Variants in CIMIP3 observed in about 807,000 individuals in gnomAD.
CIMIP3 encodes the protein ciliary microtubule inner protein 3, also known as GUCA1A neighbor.
the CIMIP3 span, among the ~76,000 whole-genome samples, chr6:42,156,636 G>A: frequency 0.02 from 3,032 of 152,312 alleles, 107 homozygotes; most frequent in African/African-American, 0.068. Context: ...GTAACTGCCC[G>A]AGAGGCTGAG....
chr6:42,158,574 A>T, the CIMIP3 span, among the ~76,000 whole-genome samples: 3 of 152,220 alleles, frequency 2.0e-5, no homozygotes, highest in Non-Finnish European at 4.4e-5. Flanking sequence ...AGAGAGTTTG[A>T]ATCCTGGTTC....
At chr6:42,163,000 G>GC in the CIMIP3 span, 7 of 716,196 alleles carry the variant, frequency 9.8e-6, no homozygotes, top group Non-Finnish European at 1.6e-5. Context: ...ACTCGTCCCG[G>GC]CCCCGGGCGT....
chr6:42,162,488 G>T, the CIMIP3 span, among the ~76,000 whole-genome samples: 1 of 151,258 alleles, frequency 6.6e-6, no homozygotes, highest in East Asian at 2.0e-4. Context: ...TGGGAGACAG[G>T]AAGCCCTGGT....
chr6:42,156,746 A>G, the CIMIP3 span, among the ~76,000 whole-genome samples: 2 of 152,184 alleles, frequency 1.3e-5, no homozygotes, highest in Non-Finnish European at 2.9e-5. Context: ...CATTTTGCAG[A>G]TGAGGCCCCT....
chr6:42,155,539 G>C, the CIMIP3 span: 1 of 717,436 alleles, frequency 1.4e-6, no homozygotes, highest in South Asian at 1.5e-5. Flanking sequence ...CAAGAAGCCT[G>C]ATGGGCAGGA....
chr6:42,157,629 A>T, the CIMIP3 span, among the ~76,000 whole-genome samples: 119 of 151,586 alleles, frequency 7.9e-4, 1 homozygote, highest in African/African-American at 2.8e-3. Flanking sequence ...GCCTCAAGCA[A>T]TCCTCCTGCC....
the CIMIP3 span, chr6:42,155,556 A>C: frequency 1.4e-6 from 1 of 717,448 alleles, no homozygotes; most frequent in Non-Finnish European, 2.6e-6. Flanking sequence ...AGGAAAGAGC[A>C]TGAAAGCCCC....
the CIMIP3 span, among the ~76,000 whole-genome samples, chr6:42,160,345 C>T: frequency 6.6e-6 from 1 of 152,152 alleles, no homozygotes; most frequent in African/African-American, 2.4e-5. Flanking sequence ...TGCCCCTCTG[C>T]CTATAAGCCC....
At chr6:42,159,770 G>A in the CIMIP3 span, among the ~76,000 whole-genome samples, 4 of 152,204 alleles carry the variant, frequency 2.6e-5, no homozygotes, top group African/African-American at 4.8e-5. Context: ...CACAAGACAC[G>A]TCATGGAGCA....
chr6:42,159,075 G>A, the CIMIP3 span, among the ~76,000 whole-genome samples: 44 of 152,204 alleles, frequency 2.9e-4, no homozygotes, highest in Non-Finnish European at 5.1e-4. Flanking sequence ...AGGAAAGGAC[G>A]CATTCTCCAG....
chr6:42,159,570 G>T, the CIMIP3 span, among the ~76,000 whole-genome samples: 4 of 152,248 alleles, frequency 2.6e-5, no homozygotes. Flanking sequence ...AAATCCCACA[G>T]TGTTCTTGCC....
chr6:42,160,959 C>T, the CIMIP3 span, among the ~76,000 whole-genome samples: 97,325 of 151,498 alleles, frequency 0.64, 31,304 homozygotes, highest in South Asian at 0.67. Context: ...GAGGCTGAGG[C>T]GGGCGGATCA....
chr6:42,162,301 CT>C, the CIMIP3 span, among the ~76,000 whole-genome samples: 12,136 of 151,188 alleles, frequency 0.08, 610 homozygotes, highest in South Asian at 0.16. Context: ...GTAATCCCAG[CT>C]TACTCAGGAG....
At chr6:42,162,048 G>C in the CIMIP3 span, among the ~76,000 whole-genome samples, 1 of 150,164 alleles carries the variant, frequency 6.7e-6, no homozygotes, top group African/African-American at 2.4e-5. Context: ...GAAATGCTGG[G>C]TAGGTGGAGG....
At chr6:42,163,046 T>C in the CIMIP3 span, 2 of 717,432 alleles carry the variant, frequency 2.8e-6, no homozygotes, top group African/African-American at 1.7e-5. Flanking sequence ...GGCAGCAGCC[T>C]ATGTGCCGGT....
chr6:42,156,306 C>CT, the CIMIP3 span, among the ~76,000 whole-genome samples: 346 of 137,076 alleles, frequency 2.5e-3, no homozygotes, highest in Middle Eastern at 0.012. Context: ...ATTTTTTTTT[C>CT]TTTTTTTTTT....
the CIMIP3 span, among the ~76,000 whole-genome samples, chr6:42,160,337 C>T: frequency 6.6e-6 from 1 of 152,140 alleles, no homozygotes. Flanking sequence ...CCAGTGCTTG[C>T]CCCTCTGCCT....
the CIMIP3 span, among the ~76,000 whole-genome samples, chr6:42,160,164 T>TC: frequency 2.6e-5 from 4 of 151,664 alleles, no homozygotes; most frequent in Non-Finnish European, 4.4e-5. Context: ...TTTTAATTTT[T>TC]TTTTTATAGA....
chr6:42,161,016 C>T, the CIMIP3 span, among the ~76,000 whole-genome samples: 1 of 151,972 alleles, frequency 6.6e-6, no homozygotes, highest in Non-Finnish European at 1.5e-5. Context: ...TGGAGAAAAC[C>T]CATCTCTACT....
Sources: allele counts gnomAD v4.1 joint callset (sites outside exome capture counted in the v4.1 genomes callset), GRCh38; gene constraint gnomAD v4.1.1; transcripts MANE v1.5; gene names NCBI Gene and HGNC (gene_info 2026-07-23, HGNC 2026-07-21).